GRAMD1C: variants seen among roughly 807,000 people sequenced by gnomAD.
GRAMD1C encodes protein Aster-C.
Under a neutral mutation model 97.8 loss-of-function variants are expected in GRAMD1C, and 89 were observed. The observed-to-expected ratio is 0.91, with a 90% CI of 0.77 to 1.09. GRAMD1C has a LOEUF of 1.09. Among genes scored for constraint, GRAMD1C ranks in the 50% least tolerant of loss-of-function variants. The pLI is 0.00. For missense variants in GRAMD1C, 740 were observed against 766.4 expected (o/e 0.97, Z 0.41); for synonymous variants, 256 against 267.0 (o/e 0.96, Z 0.40).
At chr3:113,897,534 C>T in intron 6 of GRAMD1C, 3 of 984,202 alleles carry the variant, frequency 3.0e-6, no homozygotes, top group Non-Finnish European at 3.6e-6. Flanking sequence ...AGTGCTGGTA[C>T]TACAACCAGG....
intron 2 of GRAMD1C, among the ~76,000 whole-genome samples, chr3:113,853,077 T>C (rs2107337591): frequency 6.6e-6 from 1 of 152,302 alleles, no homozygotes. Flanking sequence ...GAAAGTCATA[T>C]GATATTGTAA....
chr3:113,935,501 T>TACACAC (rs918077510), intron 13 of GRAMD1C, among the ~76,000 whole-genome samples: 1 of 105,592 alleles, frequency 9.5e-6, no homozygotes, highest in African/African-American at 3.0e-5. Context: ...TATATATATA[T>TACACAC]ACACACACAC....
chr3:113,912,587 G>T (rs113045994), intron 9 of GRAMD1C, among the ~76,000 whole-genome samples: 136 of 152,106 alleles, frequency 8.9e-4, no homozygotes, highest in Non-Finnish European at 4.6e-4. Flanking sequence ...TAGAAAATTA[G>T]CTGGACATGG....
chr3:113,875,463 A>G (rs1219305684), intron 3 of GRAMD1C, 21 bp from the exon 4 acceptor site: 1 of 987,930 alleles, frequency 1.0e-6, no homozygotes, highest in South Asian at 1.3e-5. Context: ...AATAAGCTGT[A>G]TCTTATTTTT....
intron 11 of GRAMD1C, among the ~76,000 whole-genome samples, chr3:113,932,932 G>A (rs1185488233): frequency 6.6e-6 from 1 of 150,856 alleles, no homozygotes; most frequent in African/African-American, 2.4e-5. Context: ...TCCCAGGCTG[G>A]AGCGCAGTGA....
chr3:113,837,652 C>T (rs762868138), upstream of GRAMD1C, among the ~76,000 whole-genome samples: 2 of 152,058 alleles, frequency 1.3e-5, no homozygotes, highest in African/African-American at 4.8e-5. Flanking sequence ...TTTGGGAGGC[C>T]GAAGGGGGCA....
chr3:113,886,157 C>T, intron 6 of GRAMD1C: 1 of 1,450,396 alleles, frequency 6.9e-7, no homozygotes, highest in Non-Finnish European at 9.1e-7. Context: ...GCCCCTCCCA[C>T]CCCTCTCTGC....
intron 6 of GRAMD1C, chr3:113,897,750 G>A (rs1935996745): frequency 5.1e-6 from 5 of 984,884 alleles, no homozygotes; most frequent in Non-Finnish European, 6.0e-6. Context: ...TTACTGCTTG[G>A]TTCATCTTTA....
chr3:113,839,730 G>A (rs961743745), intron 1 of GRAMD1C, among the ~76,000 whole-genome samples: 3 of 152,178 alleles, frequency 2.0e-5, no homozygotes, highest in African/African-American at 4.8e-5. Context: ...GGATTAGATG[G>A]TGATTAACAC....
chr3:113,854,807 A>G (rs186918883), intron 2 of GRAMD1C, among the ~76,000 whole-genome samples: 5 of 152,372 alleles, frequency 3.3e-5, no homozygotes, highest in Non-Finnish European at 7.3e-5. Flanking sequence ...AACATATTTA[A>G]TAAATGACAT....
At chr3:113,881,555 T>A (rs1198719478) in intron 5 of GRAMD1C, among the ~76,000 whole-genome samples, 1 of 152,232 alleles carries the variant, frequency 6.6e-6, no homozygotes, top group Non-Finnish European at 1.5e-5. Flanking sequence ...GCTGGGCGTT[T>A]TAAGGAGTTG....
chr3:113,902,289 T>G (rs1386915004), intron 7 of GRAMD1C, among the ~76,000 whole-genome samples: 1 of 152,230 alleles, frequency 6.6e-6, no homozygotes, highest in Non-Finnish European at 1.5e-5. Context: ...TTTTACATGG[T>G]TGCACATGTA....
Position 113,908,950 on chromosome 3 carries a change from C to T in GRAMD1C, c.790-8C>T. ...TTTTATTTTGAAACTGGATTGTTTA[C>T]CTTTTAGGGATTAGGCAAAGAGGAG... On this transcript the variant is annotated splice_region_variant and splice_polypyrimidine_tract_variant and intron_variant, in intron 8 of 17. Coordinates refer to ENST00000358160, the MANE Select transcript of GRAMD1C (RefSeq NM_017577.5). 1 of 1,530,048 alleles carries T rather than the reference C, an allele frequency of 6.5e-7. No individual in the cohort carries two copies. The highest frequency in any genetic ancestry group is 8.8e-7 in the Non-Finnish European group (1 of 1,139,662). 94.8% of individuals were successfully genotyped at this position (1,530,048 alleles called of 1,614,324 possible). A position where few individuals can be genotyped will look rare whatever the true frequency, so the allele number is the denominator to read the frequency against.
intron 10 of GRAMD1C, among the ~76,000 whole-genome samples, chr3:113,924,363 T>G (rs1937162927): frequency 6.6e-6 from 1 of 152,188 alleles, no homozygotes; most frequent in African/African-American, 2.4e-5. Flanking sequence ...AGGTGTGATG[T>G]TAGATTGTTA....
intron 1 of GRAMD1C, among the ~76,000 whole-genome samples, chr3:113,841,883 G>C (rs1933339239): frequency 6.6e-6 from 1 of 152,084 alleles, no homozygotes. Context: ...TTTTTGTAGA[G>C]AGGGGGCCTT....
chr3:113,942,894 A>G (rs767698351), intron 17 of GRAMD1C, among the ~76,000 whole-genome samples: 1 of 152,096 alleles, frequency 6.6e-6, no homozygotes, highest in Non-Finnish European at 1.5e-5. Flanking sequence ...AGGATTCTTT[A>G]GGGTTAATTT....
At chr3:113,841,481 GGTTTTACCA>G (rs1416431466) in intron 1 of GRAMD1C, among the ~76,000 whole-genome samples, 2 of 151,386 alleles carry the variant, frequency 1.3e-5, no homozygotes, top group African/African-American at 2.4e-5. Context: ...GTTGAGATGG[GGTTTTACCA>G]TGTTGGTCAG....
intron 5 of GRAMD1C, among the ~76,000 whole-genome samples, chr3:113,878,614 G>A (rs372277761): frequency 2.6e-4 from 40 of 151,980 alleles, no homozygotes; most frequent in East Asian, 1.9e-3. Context: ...AATTACAGGC[G>A]TGATTTATGT....
At chr3:113,874,612 T>G (rs1238585353) in intron 3 of GRAMD1C, among the ~76,000 whole-genome samples, 1 of 152,132 alleles carries the variant, frequency 6.6e-6, no homozygotes, top group African/African-American at 2.4e-5. Context: ...CCCAAAGTGT[T>G]GAGATTACAG....
Sources: gnomAD v4.1 joint callset for allele counts (sites outside exome capture counted in the v4.1 genomes callset) on GRCh38, gnomAD v4.1.1 for gene constraint, MANE v1.5 for transcripts, NCBI Gene and HGNC (gene_info 2026-07-23, HGNC 2026-07-21) for gene names.